The following ITGA6 variants were observed in gnomAD, a reference collection of about 807,000 sequenced individuals.
The protein encoded by ITGA6 is integrin alpha-6.
In ITGA6, 63 loss-of-function variants were observed where a neutral mutation model predicts 133.6. The observed-to-expected ratio is 0.47, with a 90% CI of 0.38 to 0.58. The LOEUF (loss-of-function observed/expected upper bound fraction) is 0.58. ITGA6 is among the 20% of genes least tolerant of loss of function. The pLI, the probability that ITGA6 is intolerant of heterozygous loss-of-function variation, is 0.00. For missense variants in ITGA6, 1,068 were observed against 1,309.4 expected, an observed-to-expected ratio of 0.82 and a Z score of 2.85; for synonymous variants, 434 against 482.0, an observed-to-expected ratio of 0.90 and a Z score of 1.30.
intron 20 of ITGA6, among the ~76,000 whole-genome samples, chr2:172,490,638 T>G (rs1686882133): frequency 6.6e-6 from 1 of 152,222 alleles, no homozygotes; most frequent in African/African-American, 2.4e-5. Context: ...TCAGTGTCAC[T>G]TATTCCTTCA....
chr2:172,441,598 A>G (rs1684547172), intron 1 of ITGA6, among the ~76,000 whole-genome samples: 1 of 141,846 alleles, frequency 7.0e-6, no homozygotes, highest in African/African-American at 2.6e-5. Flanking sequence ...AAAAAAAATC[A>G]AACCTCAGTG....
At chr2:172,472,804 C>G in intron 5 of ITGA6, 2 of 1,612,408 alleles carry the variant, frequency 1.2e-6, no homozygotes, top group Non-Finnish European at 1.7e-6. Context: ...GTTTCCTATA[C>G]AGATCCTGAT....
chr2:172,501,876 A>T lies in ITGA6; in HGVS notation c.3219A>T (p.Ala1073=), dbSNP rs750409527. ...PSDKERLTSD[A] Reference sequence around the variant, plus strand: ...ATAAAGAGAGGCTTACTTCTGATGCATAGTATTGATCTACTTCTGTAATTG... The same window carrying T: ...ATAAAGAGAGGCTTACTTCTGATGCTTAGTATTGATCTACTTCTGTAATTG... Residue 1073 remains alanine (A), a synonymous_variant, in exon 25 of 26, where the codon GCA becomes GCT. Coordinates refer to ENST00000684293, the MANE Select transcript of ITGA6 (RefSeq NM_000210.4). 1 of 1,612,204 alleles carries T rather than the reference A, an allele frequency of 6.2e-7. No individual in the cohort carries two copies. The highest frequency in any genetic ancestry group is 8.5e-7 in the Non-Finnish European group (1 of 1,179,230).
At chr2:172,428,178 G>A in intron 1 of ITGA6, 1 of 295,974 alleles carries the variant, frequency 3.4e-6, no homozygotes, top group Non-Finnish European at 6.0e-6. Flanking sequence ...GCTCGGGAAG[G>A]AGGAGAACCC....
At chr2:172,452,391 C>A (rs1290446235) in intron 1 of ITGA6, among the ~76,000 whole-genome samples, 3 of 152,152 alleles carry the variant, frequency 2.0e-5, no homozygotes, top group African/African-American at 7.2e-5. Flanking sequence ...CAAAGCAACA[C>A]ACGAGGCAGG....
At chr2:172,470,438 A>C (rs1685869771) in intron 4 of ITGA6, among the ~76,000 whole-genome samples, 1 of 150,664 alleles carries the variant, frequency 6.6e-6, no homozygotes, top group South Asian at 2.1e-4. Context: ...CCTGCTTTAT[A>C]AACCTGACCT....
At chr2:172,490,911 T>C in intron 20 of ITGA6, 113 bp from the exon 21 acceptor site, 1 of 738,922 alleles carries the variant, frequency 1.4e-6, no homozygotes, top group Non-Finnish European at 2.5e-6. Context: ...GAGAGGCAAA[T>C]ATTGTTGATT....
In ITGA6 at chr2:172,455,414, A is replaced by G. The variant is rs1024282007; in HGVS notation, c.183-10125A>G. ...AAGCTTGGGATAACTGCTGGGTGAA[A>G]ATGGTAAGATGTGTGCCCTCACCAA... On this transcript the variant is annotated intron_variant, in intron 1 of 25. Coordinates refer to ENST00000684293, the MANE Select transcript of ITGA6 (RefSeq NM_000210.4). 1.4e-4 allele frequency among the ~76,000 whole-genome samples: 21 copies of G among 152,112 alleles called. No individual in the cohort carries two copies. In the East Asian group the frequency reaches 3.7e-3, roughly 27 times the overall value.
intron 2 of ITGA6, chr2:172,466,008 A>G (rs1412623312): frequency 3.2e-5 from 12 of 372,772 alleles, no homozygotes; most frequent in Admixed American, 2.0e-4. Flanking sequence ...TCATCAGCCA[A>G]AAGTTCTCAC....
At chr2:172,430,269 TA>T (rs1684053641) in intron 1 of ITGA6, among the ~76,000 whole-genome samples, 1 of 152,244 alleles carries the variant, frequency 6.6e-6, no homozygotes. Flanking sequence ...AATGATCATT[TA>T]AAAAGCAGTA....
intron 19 of ITGA6, among the ~76,000 whole-genome samples, chr2:172,488,777 G>A: frequency 6.6e-6 from 1 of 152,212 alleles, no homozygotes; most frequent in Admixed American, 6.5e-5. Context: ...CAAATGGCAA[G>A]CATGGGCCCA....
chr2:172,469,783 C>T (rs1685839763), intron 4 of ITGA6, among the ~76,000 whole-genome samples: 1 of 152,100 alleles, frequency 6.6e-6, no homozygotes. Flanking sequence ...ACATTAATAA[C>T]AGAGTATTAA....
rs538125679 is a variant in ITGA6, at chr2:172,504,107, G to A, written c.*39G>A. On this transcript the variant is annotated 3_prime_UTR_variant, in exon 26 of 26. Transcript: ENST00000684293. The stretch of plus-strand genomic sequence containing the variant: ...CTTCTCTAGTGTGGATTCTTTAAAC[G>A]CTCTAGGTACGATGACAGTGTTCCC... The A allele has an allele frequency of 2.6e-5, 41 of 1,587,846 alleles. No individual in the cohort carries two copies. The highest frequency in any genetic ancestry group is 2.5e-4 in the African/African-American group (18 of 73,172).
At chr2:172,503,322 G>A (rs1574424149) in intron 25 of ITGA6, 1 of 151,662 alleles carries the variant, frequency 6.6e-6, no homozygotes, top group African/African-American at 2.4e-5. Context: ...CTATTTAAAT[G>A]AATTTTATAT....
chr2:172,495,948 C>T (rs888975817), intron 23 of ITGA6, among the ~76,000 whole-genome samples: 2 of 152,222 alleles, frequency 1.3e-5, no homozygotes, highest in African/African-American at 4.8e-5. Flanking sequence ...TTTCCACTCT[C>T]CACTTCCAGA....
At chr2:172,439,180 G>A (rs180990620) in intron 1 of ITGA6, among the ~76,000 whole-genome samples, 7 of 151,956 alleles carry the variant, frequency 4.6e-5, no homozygotes, top group Admixed American at 3.3e-4. Flanking sequence ...AGCCAGCTCC[G>A]AGAACGCAGC....
chr2:172,471,747 G>A (rs998757111), intron 5 of ITGA6, among the ~76,000 whole-genome samples: 2 of 152,094 alleles, frequency 1.3e-5, no homozygotes, highest in African/African-American at 2.4e-5. Context: ...TGACTAATGG[G>A]TGTCCTAAGT....
chr2:172,441,756 A>G (rs1684554262), intron 1 of ITGA6, among the ~76,000 whole-genome samples: 1 of 152,056 alleles, frequency 6.6e-6, no homozygotes, highest in East Asian at 1.9e-4. Flanking sequence ...AAGGTAGACC[A>G]CCATCCTCAT....
chr2:172,440,963 G>T lies in ITGA6; in HGVS notation c.182+12993G>T, dbSNP rs1237910349. ...TGAAAGGAAGTGCCTGTTTGTTCAG[G>T]GAACACCAATTGGACTAACAGCTGT... On this transcript the variant is annotated intron_variant, in intron 1 of 25. Coordinates refer to ENST00000684293, the MANE Select transcript of ITGA6 (RefSeq NM_000210.4). 5.3e-5 allele frequency among the ~76,000 whole-genome samples: 8 copies of T among 152,240 alleles called. No homozygotes were observed. The South Asian group carries it at 1.7e-3, about 32-fold the overall frequency.
Sources: gnomAD v4.1 joint callset for allele counts (sites outside exome capture counted in the v4.1 genomes callset) on GRCh38, gnomAD v4.1.1 for gene constraint, MANE v1.5 for transcripts, NCBI Gene and HGNC (gene_info 2026-07-23, HGNC 2026-07-21) for gene names.